The following MAN1A1 variants were observed in gnomAD, a reference collection of about 807,000 sequenced individuals.
The protein encoded by MAN1A1 is mannosidase alpha class 1A member 1.
In MAN1A1, 29 loss-of-function variants were observed where a neutral mutation model predicts 70.8. The observed-to-expected ratio is 0.41, with a 90% confidence interval of 0.31 to 0.56. The LOEUF (loss-of-function observed/expected upper bound fraction) is 0.56, where lower values mean the gene tolerates loss of function less well. Ranked by LOEUF, MAN1A1 falls within the 20% of genes least tolerant of loss-of-function variation. The pLI is 0.29. For missense variants in MAN1A1, 747 were observed against 841.3 expected, an observed-to-expected ratio of 0.89 and a Z score of 1.39; for synonymous variants, 349 against 330.1, an observed-to-expected ratio of 1.06 and a Z score of -0.62.
At position 119,298,906 on chromosome 6, in the gene MAN1A1, A is replaced by G. The variant is rs539772717; in HGVS notation, c.816+3082T>C. 1.5e-4 allele frequency among the ~76,000 whole-genome samples: 23 copies of G among 152,222 alleles called. No individual in the cohort carries two copies. In the East Asian group the frequency reaches 4.4e-3, roughly 29 times the overall value. ...CCACTGCGCCTGGCCAACTTTTTAA[A>G]TAATACCCTTACACTGTCAATTAGA... On this transcript the variant is annotated intron_variant, in intron 4 of 12. Transcript: ENST00000368468.
At chr6:119,312,643 G>A (rs1039726663) in intron 2 of MAN1A1, among the ~76,000 whole-genome samples, 3 of 152,110 alleles carry the variant, frequency 2.0e-5, no homozygotes, top group African/African-American at 7.2e-5. Context: ...TACTAAGGCC[G>A]GTCTATCACA....
intron 9 of MAN1A1, among the ~76,000 whole-genome samples, chr6:119,191,363 A>G (rs1298880602): frequency 1.3e-5 from 2 of 152,146 alleles, no homozygotes; most frequent in African/African-American, 4.8e-5. Context: ...TATGGATCCT[A>G]AATAAAGTAT....
At chr6:119,229,888 A>C (rs1774630355) in intron 6 of MAN1A1, among the ~76,000 whole-genome samples, 1 of 152,226 alleles carries the variant, frequency 6.6e-6, no homozygotes, top group South Asian at 2.1e-4. Flanking sequence ...TCTTCAAATT[A>C]AAGGAAGATT....
At chr6:119,212,703 C>T (rs2114958927) in intron 6 of MAN1A1, among the ~76,000 whole-genome samples, 1 of 152,262 alleles carries the variant, frequency 6.6e-6, no homozygotes, top group Non-Finnish European at 1.5e-5. Flanking sequence ...ATTACTTAGC[C>T]AAGATCAAGA....
chr6:119,180,900 A>C (rs2114922592), intron 11 of MAN1A1, among the ~76,000 whole-genome samples: 1 of 152,322 alleles, frequency 6.6e-6, no homozygotes, highest in East Asian at 1.9e-4. Context: ...CCATAAACTA[A>C]ATGTAAATTA....
intron 5 of MAN1A1, among the ~76,000 whole-genome samples, chr6:119,249,800 A>C (rs1043844593): frequency 6.6e-6 from 1 of 152,112 alleles, no homozygotes; most frequent in Admixed American, 6.6e-5. Context: ...TATCTTTTGG[A>C]ATCTTAAAAA....
At chr6:119,203,407 C>T (rs2114948311) in intron 7 of MAN1A1, among the ~76,000 whole-genome samples, 1 of 151,996 alleles carries the variant, frequency 6.6e-6, no homozygotes, top group East Asian at 1.9e-4. Context: ...GCTACTGAGG[C>T]CAGAGGTGAG....
At chr6:119,254,505 TA>T (rs576508339) in intron 5 of MAN1A1, among the ~76,000 whole-genome samples, 135 of 152,372 alleles carry the variant, frequency 8.9e-4, no homozygotes, top group African/African-American at 3.0e-3. Flanking sequence ...TAGGAAATGT[TA>T]ATTTGCCAAC....
chr6:119,301,914 A>G (rs6917129), intron 4 of MAN1A1, 74 bp downstream of exon 4: 272,651 of 755,438 alleles, frequency 0.36, 53,222 homozygotes, highest in Non-Finnish European at 0.41. Context: ...TAATACAATA[A>G]TAGGGCCCAC....
At chr6:119,239,397 T>C (rs1363340404) in intron 6 of MAN1A1, among the ~76,000 whole-genome samples, 1 of 152,240 alleles carries the variant, frequency 6.6e-6, no homozygotes, top group Admixed American at 6.5e-5. Context: ...CAATTAATAA[T>C]TCTTCATCCC....
At chr6:119,295,878 A>G (rs1272885476) in intron 4 of MAN1A1, among the ~76,000 whole-genome samples, 1 of 152,180 alleles carries the variant, frequency 6.6e-6, no homozygotes, top group Non-Finnish European at 1.5e-5. Flanking sequence ...CTGTTTCACC[A>G]AAATCCAATG....
intron 5 of MAN1A1, among the ~76,000 whole-genome samples, chr6:119,259,394 T>C (rs991561459): frequency 2.0e-5 from 3 of 152,214 alleles, no homozygotes; most frequent in Non-Finnish European, 4.4e-5. Flanking sequence ...TATTATGTAG[T>C]AGTAATAGTT....
intron 9 of MAN1A1, among the ~76,000 whole-genome samples, chr6:119,191,104 GA>G (rs1396182442): frequency 3.3e-5 from 5 of 152,152 alleles, no homozygotes; most frequent in African/African-American, 1.2e-4. Context: ...AAGATGGTAA[GA>G]AATAAATGAA....
At chr6:119,277,080 T>C (rs1776086688) in intron 5 of MAN1A1, among the ~76,000 whole-genome samples, 1 of 152,214 alleles carries the variant, frequency 6.6e-6, no homozygotes, top group Admixed American at 6.5e-5. Flanking sequence ...ATAAAATAAA[T>C]ATCAATTGTT....
At chr6:119,256,414 A>AT (rs5879493) in intron 5 of MAN1A1, among the ~76,000 whole-genome samples, 38,613 of 147,630 alleles carry the variant, frequency 0.26, 5,212 homozygotes, top group East Asian at 0.44. Context: ...GTATCTCATT[A>AT]TTTTTTTTTT....
intron 8 of MAN1A1, among the ~76,000 whole-genome samples, chr6:119,200,919 A>G (rs1773696640): frequency 6.6e-6 from 1 of 152,210 alleles, no homozygotes; most frequent in African/African-American, 2.4e-5. Flanking sequence ...AAACCCTCAT[A>G]GTCATTAGTA....
At chr6:119,340,233 G>A (rs889957534) in intron 2 of MAN1A1, among the ~76,000 whole-genome samples, 4 of 152,108 alleles carry the variant, frequency 2.6e-5, no homozygotes, top group African/African-American at 9.7e-5. Flanking sequence ...CTTATGCCCC[G>A]ACAGAGAGAG....
At chr6:119,275,409 C>T (rs1329385795) in intron 5 of MAN1A1, among the ~76,000 whole-genome samples, 3 of 139,938 alleles carry the variant, frequency 2.1e-5, no homozygotes, top group Admixed American at 1.4e-4. Context: ...CGGGTTCACG[C>T]CATTCTCCTG....
At chr6:119,235,065 T>C (rs985050473) in intron 6 of MAN1A1, among the ~76,000 whole-genome samples, 30 of 152,222 alleles carry the variant, frequency 2.0e-4, no homozygotes, top group African/African-American at 7.2e-4. Context: ...TGTTCTGAGC[T>C]GCTCCACTGA....
Sources: allele counts gnomAD v4.1 joint callset (sites outside exome capture counted in the v4.1 genomes callset), GRCh38; gene constraint gnomAD v4.1.1; transcripts MANE v1.5; gene names NCBI Gene and HGNC (gene_info 2026-07-23, HGNC 2026-07-21).